Variants in LDLRAD3 observed in about 807,000 individuals in gnomAD.
The protein encoded by LDLRAD3 is low-density lipoprotein receptor class A domain-containing protein 3.
A neutral mutation model predicts 29.4 loss-of-function variants in LDLRAD3; 20 were observed. The observed-to-expected ratio is 0.68, with a 90% confidence interval of 0.48 to 0.99. The LOEUF (loss-of-function observed/expected upper bound fraction) is 0.99, where lower values mean the gene tolerates loss of function less well. Ranked by LOEUF, LDLRAD3 falls within the 50% of genes least tolerant of loss-of-function variation. The pLI is 0.00. For synonymous variants in LDLRAD3, 157 were observed against 192.7 expected, an observed-to-expected ratio of 0.81 and a Z score of 1.53; for missense variants, 420 against 454.3, an observed-to-expected ratio of 0.92 and a Z score of 0.69.
chr11:36,102,079 G>A (rs563158663), intron 4 of LDLRAD3: 38 of 186,754 alleles, frequency 2.0e-4, no homozygotes, highest in Admixed American at 8.7e-4. Context: ...TAGTAGCGAC[G>A]GGGTTTCACC....
chr11:36,071,364 A>G (rs1852898718), intron 2 of LDLRAD3, among the ~76,000 whole-genome samples: 1 of 152,226 alleles, frequency 6.6e-6, no homozygotes, highest in Non-Finnish European at 1.5e-5. Context: ...AAAGGATACC[A>G]AAATGTAAAG....
chr11:36,093,176 T>C (rs966875571), intron 3 of LDLRAD3, among the ~76,000 whole-genome samples: 6 of 152,204 alleles, frequency 3.9e-5, no homozygotes, highest in African/African-American at 1.4e-4. Context: ...TCTGCTAGAC[T>C]AGACGTTCAA....
At chr11:36,061,455 C>G (rs1852699255) in intron 2 of LDLRAD3, among the ~76,000 whole-genome samples, 5 of 152,118 alleles carry the variant, frequency 3.3e-5, no homozygotes. Flanking sequence ...ATGAAGCAAT[C>G]TTGTGCTGGT....
chr11:36,185,031 A>G (rs573763508), intron 4 of LDLRAD3, among the ~76,000 whole-genome samples: 1 of 152,306 alleles, frequency 6.6e-6, no homozygotes, highest in African/African-American at 2.4e-5. Context: ...ATCTTAAAAA[A>G]TATATTTTAC....
rs1851024065 is a variant in LDLRAD3 at position 35,944,167 on chromosome 11, A to G, written c.46+23A>G. The G allele has an allele frequency of 8.9e-6, 9 of 1,013,714 alleles. No individual in the cohort carries two copies. Among genetic ancestry groups the G allele is most frequent in the Non-Finnish European group, 1.1e-5 (9 of 850,396 alleles). The allele number at this position is 1,013,714 out of a possible 1,614,324, so 62.8% of individuals were successfully genotyped here. A position where few individuals can be genotyped will look rare whatever the true frequency, so the allele number is the denominator to read the frequency against. ...CGGGTGAGTCGGGGGGCGGCCGGCG[A>G]ACTTCCCGCGGGGCGCGGGGCGCGG... is the stretch of plus-strand genomic sequence containing the variant. On this transcript the variant is annotated intron_variant, in intron 1 of 5. Transcript: ENST00000315571. The surrounding 1 kb of genome is among the most constrained non-coding windows in gnomAD (Gnocchi z 4.9).
Position 36,230,788 on chromosome 11 carries a change from C to G in LDLRAD3, c.*1391C>G, listed in dbSNP as rs1194818939. 1 of 152,632 alleles carries G rather than the reference C, an allele frequency of 6.6e-6. No individual in the cohort carries two copies. The highest frequency in any genetic ancestry group is 6.5e-5 in the Admixed American group (1 of 15,272). The allele number at this position is 152,632 out of a possible 1,614,324, so 9.5% of individuals were successfully genotyped here. On this transcript the variant is annotated 3_prime_UTR_variant, in exon 6 of 6. Transcript: ENST00000315571. The stretch of plus-strand genomic sequence containing the variant: ...GAAAGATGCAAAAGGAGATCACACC[C>G]TTGCCCCGCTGAGCCCCGTGATAAC...
intron 4 of LDLRAD3, among the ~76,000 whole-genome samples, chr11:36,224,902 A>C (rs12282170): frequency 0.013 from 1,930 of 152,318 alleles, 43 homozygotes; most frequent in African/African-American, 0.045. Flanking sequence ...TAGACAAAAT[A>C]ATTCACCTCT....
chr11:35,980,689 C>T (rs937404727), intron 1 of LDLRAD3, among the ~76,000 whole-genome samples: 9 of 152,148 alleles, frequency 5.9e-5, no homozygotes, highest in East Asian at 3.9e-4. Context: ...ATATTCTCCC[C>T]GCTAGCCAGA....
intron 2 of LDLRAD3, among the ~76,000 whole-genome samples, chr11:36,079,937 C>A (rs1184470856): frequency 6.6e-6 from 1 of 152,074 alleles, no homozygotes; most frequent in Non-Finnish European, 1.5e-5. Context: ...GAATTTGAAC[C>A]CAGGACTGTC....
chr11:36,044,447 A>T (rs1044154476), intron 2 of LDLRAD3, among the ~76,000 whole-genome samples: 3 of 152,114 alleles, frequency 2.0e-5, no homozygotes, highest in African/African-American at 7.2e-5. Context: ...CCTCAAACAC[A>T]TGTATACTGG....
At chr11:35,994,851 A>C (rs1004516542) in intron 1 of LDLRAD3, among the ~76,000 whole-genome samples, 3 of 152,216 alleles carry the variant, frequency 2.0e-5, no homozygotes, top group African/African-American at 4.8e-5. Context: ...TTGTTTGCTC[A>C]TCTGTAAGAA....
At chr11:36,175,228 G>A (rs192751721) in intron 4 of LDLRAD3, among the ~76,000 whole-genome samples, 12 of 152,010 alleles carry the variant, frequency 7.9e-5, no homozygotes, top group Non-Finnish European at 1.3e-4. Flanking sequence ...CTCACTAATG[G>A]TCTATTGATT....
At chr11:36,087,424 A>T (rs907585449) in intron 3 of LDLRAD3, among the ~76,000 whole-genome samples, 1 of 152,238 alleles carries the variant, frequency 6.6e-6, no homozygotes, top group East Asian at 1.9e-4. Context: ...CTTCAAGCCA[A>T]TTCCATCAGG....
rs150697795 is a variant in LDLRAD3, at chr11:36,206,039, C to T, written c.455-21046C>T. Among the ~76,000 whole-genome samples, 16 of 152,218 alleles carry T rather than the reference C, an allele frequency of 1.1e-4. No homozygotes were observed. In the East Asian group the frequency reaches 2.7e-3, roughly 26 times the overall value. On this transcript the variant is annotated intron_variant, in intron 4 of 5. Coordinates refer to ENST00000315571, the MANE Select transcript of LDLRAD3 (RefSeq NM_174902.4). Reference sequence around the variant, plus strand: ...AAAATAGCAGAATTAAGCTAGAGGCCCTCAACTTTTGGTCTGGAGTTATTT... The same window carrying T: ...AAAATAGCAGAATTAAGCTAGAGGCTCTCAACTTTTGGTCTGGAGTTATTT...
intron 1 of LDLRAD3, among the ~76,000 whole-genome samples, chr11:35,956,213 A>G (rs1851199253): frequency 1.3e-5 from 2 of 152,172 alleles, no homozygotes; most frequent in Admixed American, 6.5e-5. Context: ...AGAGCTGGGT[A>G]TGGTGGCTCA....
At chr11:36,160,007 A>G (rs1002261097) in intron 4 of LDLRAD3, among the ~76,000 whole-genome samples, 3 of 152,180 alleles carry the variant, frequency 2.0e-5, no homozygotes, top group African/African-American at 7.2e-5. Flanking sequence ...GTTGCTGCAC[A>G]TTGCTAGTGG....
At chr11:35,967,320 G>T in intron 1 of LDLRAD3, 1 of 215,644 alleles carries the variant, frequency 4.6e-6, no homozygotes. Flanking sequence ...ATGTGCTTGA[G>T]CAGACTGTAA....
intron 1 of LDLRAD3, chr11:35,967,050 C>G (rs1851351205): frequency 4.9e-6 from 1 of 204,886 alleles, no homozygotes; most frequent in Admixed American, 4.7e-5. Context: ...GCTTGAAGAC[C>G]TTGCACTCTT....
At chr11:36,184,034 C>T (rs12291281) in intron 4 of LDLRAD3, 7,194 of 301,900 alleles carry the variant, frequency 0.024, 538 homozygotes, top group African/African-American at 0.16. Context: ...TGGCACATCT[C>T]GGCTCACCGC....
Sources: allele counts gnomAD v4.1 joint callset (sites outside exome capture counted in the v4.1 genomes callset), GRCh38; gene constraint gnomAD v4.1.1; non-coding constraint Gnocchi (gnomAD v3.1); transcripts MANE v1.5; gene names NCBI Gene and HGNC (gene_info 2026-07-23, HGNC 2026-07-21).